OPCML: variants seen among roughly 807,000 people sequenced by gnomAD.
OPCML encodes opioid-binding protein/cell adhesion molecule.
In OPCML, 13 loss-of-function variants were observed where a neutral mutation model predicts 37.8. That is an observed-to-expected ratio of 0.34 (90% confidence interval 0.22 to 0.55). The LOEUF (loss-of-function observed/expected upper bound fraction) is 0.55, where lower values mean the gene tolerates loss of function less well. Among genes scored for constraint, OPCML ranks in the 20% least tolerant of loss-of-function variants. OPCML has a pLI of 0.91. For missense variants in OPCML, 341 were observed against 435.6 expected, an observed-to-expected ratio of 0.78 and a Z score of 1.93; for synonymous variants, 176 against 168.8, an observed-to-expected ratio of 1.04 and a Z score of -0.33.
chr11:133,499,170 G>T (rs1413928086), intron 1 of OPCML, among the ~76,000 whole-genome samples: 1 of 152,156 alleles, frequency 6.6e-6, no homozygotes, highest in African/African-American at 2.4e-5. Flanking sequence ...CAACGTTTTT[G>T]CTGACCTGGC....
chr11:133,301,927 T>C (rs1812813218), intron 1 of OPCML: 1 of 152,196 alleles, frequency 6.6e-6, no homozygotes, highest in Non-Finnish European at 1.5e-5. Flanking sequence ...AATTACTATA[T>C]ACTAGGCACT....
intron 1 of OPCML, among the ~76,000 whole-genome samples, chr11:133,185,585 CT>C (rs1484612757): frequency 6.6e-6 from 1 of 152,130 alleles, no homozygotes; most frequent in Non-Finnish European, 1.5e-5. Context: ...GTTAAATCTA[CT>C]AAGAACATTC....
chr11:132,534,230 G>A (rs936410072), intron 3 of OPCML, among the ~76,000 whole-genome samples: 1 of 151,672 alleles, frequency 6.6e-6, no homozygotes, highest in Non-Finnish European at 1.5e-5. Context: ...ACTACTTCAG[G>A]TCCTCTTGTT....
chr11:133,448,379 C>A (rs1158599540), intron 1 of OPCML, among the ~76,000 whole-genome samples: 1 of 152,170 alleles, frequency 6.6e-6, no homozygotes, highest in Non-Finnish European at 1.5e-5. Context: ...CCCGAACATT[C>A]AATTCTATTC....
intron 1 of OPCML, among the ~76,000 whole-genome samples, chr11:133,086,612 G>A (rs1470719189): frequency 6.6e-6 from 1 of 152,088 alleles, no homozygotes; most frequent in Non-Finnish European, 1.5e-5. Flanking sequence ...ATGGTGTAAT[G>A]CATGGTGTAA....
intron 2 of OPCML, among the ~76,000 whole-genome samples, chr11:132,689,683 G>A (rs1943322084): frequency 1.3e-5 from 2 of 152,194 alleles, no homozygotes; most frequent in South Asian, 4.1e-4. Flanking sequence ...CAGAGTCTGT[G>A]GAGTCAAAAC....
intron 1 of OPCML, among the ~76,000 whole-genome samples, chr11:133,038,583 C>A (rs923086161): frequency 6.6e-6 from 1 of 152,044 alleles, no homozygotes; most frequent in Admixed American, 6.6e-5. Flanking sequence ...TTAGAGAATG[C>A]ATAACTTAAC....
chr11:133,111,822 C>G (rs904070650), intron 1 of OPCML, among the ~76,000 whole-genome samples: 1 of 152,158 alleles, frequency 6.6e-6, no homozygotes, highest in Non-Finnish European at 1.5e-5. Context: ...GGGAATTGCA[C>G]TGAGATTTGA....
intron 1 of OPCML, among the ~76,000 whole-genome samples, chr11:133,408,952 T>C (rs1945586580): frequency 1.3e-5 from 2 of 152,232 alleles, no homozygotes; most frequent in Admixed American, 1.3e-4. Flanking sequence ...CTGCCAGCCA[T>C]TGTCCATCCT....
chr11:132,711,279 G>A (rs534648057), intron 2 of OPCML, among the ~76,000 whole-genome samples: 3 of 152,180 alleles, frequency 2.0e-5, no homozygotes, highest in Non-Finnish European at 4.4e-5. Flanking sequence ...ATGAACTGAT[G>A]TGAAGACTAA....
chr11:132,808,486 G>C (rs2136219922), intron 2 of OPCML, among the ~76,000 whole-genome samples: 1 of 152,336 alleles, frequency 6.6e-6, no homozygotes, highest in Middle Eastern at 3.4e-3. Flanking sequence ...CACTGTGTGG[G>C]ATCATGGTAA....
chr11:132,597,810 A>T (rs1271452049), intron 3 of OPCML, among the ~76,000 whole-genome samples: 1 of 152,176 alleles, frequency 6.6e-6, no homozygotes, highest in Non-Finnish European at 1.5e-5. Flanking sequence ...GATAAAACAC[A>T]CGTAACAAAA....
rs1440920272 is a variant in OPCML at position 132,884,222 on chromosome 11, T to TG, written c.146+58703dup. ...TTTGGGTGTGCCCACCTTTCTGGGG[T>TG]GGGGAGAAGAAAAGAGATTACTAAT... On this transcript the variant is annotated intron_variant, in intron 2 of 7. Transcript: ENST00000524381. Among the ~76,000 whole-genome samples, 13 of 151,902 alleles carry TG rather than the reference T, an allele frequency of 8.6e-5. 1 individual carries two copies. Among genetic ancestry groups the TG allele is most frequent in the Admixed American group, 8.5e-4 (13 of 15,240 alleles).
chr11:132,739,683 A>T (rs977138430), intron 2 of OPCML, among the ~76,000 whole-genome samples: 1 of 152,230 alleles, frequency 6.6e-6, no homozygotes, highest in Admixed American at 6.5e-5. Context: ...TGATAAGAAG[A>T]TTGAAAAGGA....
chr11:132,695,325 G>C (rs1201302269), intron 2 of OPCML, among the ~76,000 whole-genome samples: 1 of 152,102 alleles, frequency 6.6e-6, no homozygotes, highest in Admixed American at 6.5e-5. Flanking sequence ...TTAGTCTAGG[G>C]GGAAAGGCAG....
chr11:132,510,665 C>T (rs983885677), intron 4 of OPCML, among the ~76,000 whole-genome samples: 1 of 152,126 alleles, frequency 6.6e-6, no homozygotes, highest in Non-Finnish European at 1.5e-5. Context: ...GTAAGAAATA[C>T]CTTTTGCCTC....
rs149490783 is a variant in OPCML, at chr11:133,366,951, T to C, written c.61+165313A>G. Among the ~76,000 whole-genome samples the C allele has an allele frequency of 8.8e-4, 134 of 152,234 alleles. No individual in the cohort carries two copies. In the East Asian group the frequency reaches 0.017, roughly 19 times the overall value. On this transcript the variant is annotated intron_variant, in intron 1 of 7. Transcript: ENST00000524381. ...GCGTTCCCCCTTCACTCACCCCTCATGTCTTCTCCCCATCCAATCATCGAA... is the reference window on the plus strand; with the variant it reads ...GCGTTCCCCCTTCACTCACCCCTCACGTCTTCTCCCCATCCAATCATCGAA...
intron 1 of OPCML, among the ~76,000 whole-genome samples, chr11:132,965,734 T>C (rs1207272781): frequency 6.6e-6 from 1 of 152,194 alleles, no homozygotes; most frequent in Non-Finnish European, 1.5e-5. Flanking sequence ...GGTTTCACTA[T>C]GTTGGCCAGG....
At chr11:133,369,537 A>G (rs1369383391) in intron 1 of OPCML, among the ~76,000 whole-genome samples, 1 of 152,228 alleles carries the variant, frequency 6.6e-6, no homozygotes, top group East Asian at 1.9e-4. Context: ...GCATATCTCT[A>G]CTTTCTAACT....
Sources: gnomAD v4.1 joint callset for allele counts (sites outside exome capture counted in the v4.1 genomes callset) on GRCh38, gnomAD v4.1.1 for gene constraint, MANE v1.5 for transcripts, NCBI Gene and HGNC (gene_info 2026-07-23, HGNC 2026-07-21) for gene names.